The following SAMD12 variants were observed in gnomAD, a reference collection of about 807,000 sequenced individuals.
SAMD12 encodes sterile alpha motif domain-containing protein 12.
SAMD12 carries 9 observed loss-of-function variants against 15.0 expected under a neutral mutation model. That is an observed-to-expected ratio of 0.60 (90% confidence interval 0.36 to 1.05). SAMD12 has a LOEUF of 1.05. Ranked by LOEUF, SAMD12 falls within the 50% of genes least tolerant of loss-of-function variation. The probability of loss-of-function intolerance (pLI) is 0.01; values close to 1 mark genes in which losing one functional copy is unlikely to be tolerated. For missense variants in SAMD12, 230 were observed against 234.2 expected (o/e 0.98, Z 0.12); for synonymous variants, 86 against 90.1 (o/e 0.96, Z 0.25).
At chr8:118,398,380 C>G (rs1022548672) in intron 3 of SAMD12, among the ~76,000 whole-genome samples, 4 of 152,056 alleles carry the variant, frequency 2.6e-5, no homozygotes. Flanking sequence ...CCCTGGGCAA[C>G]AGAATGAGAA....
At chr8:118,253,624 T>G (rs1812867766) in intron 4 of SAMD12, among the ~76,000 whole-genome samples, 1 of 152,150 alleles carries the variant, frequency 6.6e-6, no homozygotes, top group Admixed American at 6.6e-5. Context: ...GCTGCTAAGA[T>G]GAGGGCATGT....
intron 2 of SAMD12, among the ~76,000 whole-genome samples, chr8:118,514,061 T>C (rs561046078): frequency 7.9e-5 from 12 of 152,324 alleles, no homozygotes; most frequent in Admixed American, 7.2e-4. Context: ...TTTTAAAGCA[T>C]TGGGGAGGTC....
the SAMD12 span, among the ~76,000 whole-genome samples, chr8:118,140,016 T>C: frequency 6.6e-6 from 1 of 152,176 alleles, no homozygotes; most frequent in South Asian, 2.1e-4. Context: ...CAGGGAGTTT[T>C]GAACCAGCAG....
the SAMD12 span, among the ~76,000 whole-genome samples, chr8:118,161,506 G>A: frequency 6.7e-6 from 1 of 149,176 alleles, no homozygotes; most frequent in Middle Eastern, 3.4e-3. Context: ...AGGATGCAGT[G>A]AGCCGCTGTG....
intron 1 of SAMD12, among the ~76,000 whole-genome samples, chr8:118,603,898 A>C (rs1167324543): frequency 2.0e-5 from 3 of 152,218 alleles, no homozygotes; most frequent in Non-Finnish European, 4.4e-5. Context: ...AATTAGTGAT[A>C]AGTTTATAGA....
chr8:118,305,041 C>T (rs1815251474), intron 4 of SAMD12, among the ~76,000 whole-genome samples: 2 of 144,722 alleles, frequency 1.4e-5, no homozygotes, highest in Admixed American at 7.1e-5. Flanking sequence ...CCCAGCTACT[C>T]GGGAGGCGGA....
intron 2 of SAMD12, among the ~76,000 whole-genome samples, chr8:118,468,241 G>C (rs984095028): frequency 2.0e-5 from 3 of 152,170 alleles, no homozygotes; most frequent in Admixed American, 1.3e-4. Context: ...GCCAAAAAGT[G>C]TATCATCATA....
At chr8:118,204,782 T>C (rs1218453537) in intron 4 of SAMD12, among the ~76,000 whole-genome samples, 2 of 151,954 alleles carry the variant, frequency 1.3e-5, no homozygotes, top group Non-Finnish European at 2.9e-5. Flanking sequence ...AAAAATATAA[T>C]AAAAGAATCT....
At chr8:118,331,503 G>A (rs79972672) in intron 4 of SAMD12, among the ~76,000 whole-genome samples, 1,967 of 152,230 alleles carry the variant, frequency 0.013, 39 homozygotes, top group African/African-American at 0.042. Context: ...ATTTGTCTAT[G>A]CGGTTTTCAG....
intron 2 of SAMD12, among the ~76,000 whole-genome samples, chr8:118,469,514 A>T (rs1431031103): frequency 4.8e-3 from 1 of 210 alleles, no homozygotes; most frequent in African/African-American, 7.9e-3. Flanking sequence ...TATATAATAT[A>T]TAATATATAT....
At chr8:118,351,662 T>C (rs1480455877) in intron 4 of SAMD12, among the ~76,000 whole-genome samples, 1 of 152,160 alleles carries the variant, frequency 6.6e-6, no homozygotes, top group African/African-American at 2.4e-5. Flanking sequence ...CCAAGTTCCT[T>C]TCTGGGAGCA....
chr8:118,556,473 C>A (rs1424742292), intron 2 of SAMD12, among the ~76,000 whole-genome samples: 1 of 152,162 alleles, frequency 6.6e-6, no homozygotes. Flanking sequence ...CCTTTTCCAA[C>A]TGGCAAATGA....
intron 2 of SAMD12, among the ~76,000 whole-genome samples, chr8:118,574,920 C>A (rs1397139992): frequency 6.6e-6 from 1 of 152,116 alleles, no homozygotes; most frequent in African/African-American, 2.4e-5. Context: ...TCATTCTATC[C>A]CTAAATTGCA....
chr8:118,210,319 C>T (rs997324701), intron 4 of SAMD12, among the ~76,000 whole-genome samples: 1 of 152,204 alleles, frequency 6.6e-6, no homozygotes, highest in Non-Finnish European at 1.5e-5. Context: ...GGTTGGGTCA[C>T]ACCACTAAGA....
At chr8:118,349,344 A>C (rs896478436) in intron 4 of SAMD12, among the ~76,000 whole-genome samples, 2 of 152,230 alleles carry the variant, frequency 1.3e-5, no homozygotes, top group Non-Finnish European at 2.9e-5. Context: ...TTTATTTTGT[A>C]GTGTGTAGAC....
chr8:118,177,308 A>G, the SAMD12 span, among the ~76,000 whole-genome samples: 1 of 150,860 alleles, frequency 6.6e-6, no homozygotes, highest in Non-Finnish European at 1.5e-5. Flanking sequence ...TGGTACAATC[A>G]TAGCTCACTG....
intron 2 of SAMD12, among the ~76,000 whole-genome samples, chr8:118,556,173 A>G (rs942836451): frequency 6.6e-6 from 1 of 152,256 alleles, no homozygotes; most frequent in African/African-American, 2.4e-5. Context: ...TAAGGAACAG[A>G]AATCTATCAA....
At chr8:118,290,876 G>T (rs919568380) in intron 4 of SAMD12, among the ~76,000 whole-genome samples, 1 of 152,104 alleles carries the variant, frequency 6.6e-6, no homozygotes, top group Non-Finnish European at 1.5e-5. Context: ...AGTGTCTTTT[G>T]AATTTCAGTG....
intron 3 of SAMD12, among the ~76,000 whole-genome samples, chr8:118,392,187 G>C (rs1820313275): frequency 6.6e-6 from 1 of 152,226 alleles, no homozygotes; most frequent in African/African-American, 2.4e-5. Context: ...CCAGCACTTT[G>C]GGAGGCTGAG....
Sources: allele counts gnomAD v4.1 joint callset (sites outside exome capture counted in the v4.1 genomes callset), GRCh38; gene constraint gnomAD v4.1.1; transcripts MANE v1.5; gene names NCBI Gene and HGNC (gene_info 2026-07-23, HGNC 2026-07-21).